Variants in CTNNA3 observed in about 807,000 individuals in gnomAD.
CTNNA3 encodes the protein catenin alpha-3.
In CTNNA3, 76 loss-of-function variants were observed where a neutral mutation model predicts 95.7. That is an observed-to-expected ratio of 0.79 (90% CI 0.66 to 0.96). The LOEUF (loss-of-function observed/expected upper bound fraction) is 0.96. Ranked by LOEUF, CTNNA3 falls within the 40% of genes least tolerant of loss-of-function variation. The pLI is 0.00. For synonymous variants in CTNNA3, 431 were observed against 374.4 expected (o/e 1.15, Z -1.74); for missense variants, 1,191 against 1,089.8 (o/e 1.09, Z -1.31).
At chr10:66,479,466 C>A (rs1407900174) in intron 11 of CTNNA3, among the ~76,000 whole-genome samples, 3 of 152,038 alleles carry the variant, frequency 2.0e-5, no homozygotes, top group African/African-American at 4.8e-5. Flanking sequence ...ATTTAAAATT[C>A]TTTAAATCAA....
At chr10:66,660,430 A>G (rs1311346383) in intron 9 of CTNNA3, among the ~76,000 whole-genome samples, 1 of 152,142 alleles carries the variant, frequency 6.6e-6, no homozygotes, top group African/African-American at 2.4e-5. Context: ...GGACATCCAT[A>G]TTTCTTTAGG....
chr10:67,580,530 TG>T (rs1842349701), intron 3 of CTNNA3, among the ~76,000 whole-genome samples: 1 of 151,870 alleles, frequency 6.6e-6, no homozygotes, highest in South Asian at 2.1e-4. Flanking sequence ...AGGATTGTCT[TG>T]GCGATGCGGG....
chr10:67,592,973 C>G (rs1419858356), intron 3 of CTNNA3, among the ~76,000 whole-genome samples: 1 of 152,128 alleles, frequency 6.6e-6, no homozygotes, highest in East Asian at 1.9e-4. Context: ...TTCTCCTACC[C>G]TCCACCTTTA....
intron 3 of CTNNA3, among the ~76,000 whole-genome samples, chr10:67,566,740 T>C (rs1440437882): frequency 6.6e-6 from 1 of 152,018 alleles, no homozygotes; most frequent in Non-Finnish European, 1.5e-5. Context: ...ATTGCGGCAC[T>C]CTTCACAAGA....
At chr10:65,965,824 A>G (rs965725204) in intron 17 of CTNNA3, among the ~76,000 whole-genome samples, 6 of 152,168 alleles carry the variant, frequency 3.9e-5, no homozygotes, top group Non-Finnish European at 8.8e-5. Flanking sequence ...AGACATATAA[A>G]TATACTAGTG....
At chr10:66,147,973 A>G (rs2133898006) in intron 13 of CTNNA3, among the ~76,000 whole-genome samples, 2 of 151,630 alleles carry the variant, frequency 1.3e-5, no homozygotes, top group Middle Eastern at 6.8e-3. Flanking sequence ...GTCACACTAG[A>G]TGCTATCCCC....
rs370326109 is a variant in CTNNA3, at chr10:66,345,225, T to C, written c.1732+33927A>G. Among the ~76,000 whole-genome samples, 69 of 152,226 alleles carry C rather than the reference T, an allele frequency of 4.5e-4. 1 individual carries two copies. The South Asian group carries it at 0.014, about 31-fold the overall frequency. On this transcript the variant is annotated intron_variant, in intron 12 of 17. Transcript: ENST00000433211. ...GGGAACAAAGCAAGATGCCAGGAGA[T>C]ACAATAAAGGCTAGAATGTAGTTTA...
chr10:66,360,816 C>CCTTCCTTCCTTTCTTT (rs1491560905), intron 12 of CTNNA3, among the ~76,000 whole-genome samples: 1 of 50,228 alleles, frequency 2.0e-5, no homozygotes, highest in Non-Finnish European at 3.9e-5. Context: ...TTCCTTCCTT[C>CCTTCCTTCCTTTCTTT]CTTTCTTTCT....
At chr10:66,440,538 C>T (rs4447055) in intron 11 of CTNNA3, among the ~76,000 whole-genome samples, 58,076 of 151,874 alleles carry the variant, frequency 0.38, 11,669 homozygotes, top group African/African-American at 0.5. Flanking sequence ...TCCTTAGGGC[C>T]TCAAGCTCTT....
At chr10:66,557,138 G>T (rs1842415820) in intron 10 of CTNNA3, among the ~76,000 whole-genome samples, 1 of 151,954 alleles carries the variant, frequency 6.6e-6, no homozygotes, top group Non-Finnish European at 1.5e-5. Context: ...GCATCTGAAA[G>T]AACATACATT....
chr10:67,129,906 G>C (rs1023510151), intron 7 of CTNNA3, among the ~76,000 whole-genome samples: 4 of 151,950 alleles, frequency 2.6e-5, no homozygotes, highest in African/African-American at 9.7e-5. Flanking sequence ...TTCTTGCCTG[G>C]TATTTCTCAC....
chr10:66,704,052 G>A (rs144136578), intron 9 of CTNNA3, among the ~76,000 whole-genome samples: 98 of 152,050 alleles, frequency 6.4e-4, no homozygotes, highest in African/African-American at 1.8e-3. Context: ...CTTGTCTCCC[G>A]ATTCGTATTC....
chr10:65,984,116 G>GA (rs2078377614), intron 16 of CTNNA3, among the ~76,000 whole-genome samples: 1 of 151,128 alleles, frequency 6.6e-6, no homozygotes, highest in African/African-American at 2.4e-5. Context: ...TTGACCTTCT[G>GA]ACACACCAGC....
intron 6 of CTNNA3, among the ~76,000 whole-genome samples, chr10:67,199,062 A>G (rs1863513397): frequency 6.6e-6 from 1 of 152,058 alleles, no homozygotes; most frequent in Admixed American, 6.6e-5. Context: ...GAAGGGAAAG[A>G]GAAAAGGGGA....
intron 1 of CTNNA3, among the ~76,000 whole-genome samples, chr10:67,747,917 T>G (rs916036067): frequency 6.6e-5 from 10 of 152,198 alleles, no homozygotes; most frequent in Non-Finnish European, 1.5e-4. Flanking sequence ...AGGAACAATA[T>G]GACCTGATGA....
chr10:67,672,088 A>G (rs1564822006), intron 1 of CTNNA3, among the ~76,000 whole-genome samples: 1 of 151,990 alleles, frequency 6.6e-6, no homozygotes, highest in African/African-American at 2.4e-5. Context: ...TGTGGTTTTG[A>G]TTTGCATTTC....
intron 5 of CTNNA3, among the ~76,000 whole-genome samples, chr10:67,402,336 A>G (rs1214638116): frequency 6.6e-6 from 1 of 152,220 alleles, no homozygotes; most frequent in Admixed American, 6.5e-5. Flanking sequence ...CAAGCTGAGG[A>G]AAGAATCTGA....
chr10:66,503,720 G>A (rs1840354944), intron 11 of CTNNA3, among the ~76,000 whole-genome samples: 1 of 152,044 alleles, frequency 6.6e-6, no homozygotes, highest in African/African-American at 2.4e-5. Context: ...TCCTGCCTCA[G>A]CCTCTCAAAG....
chr10:67,603,893 C>T (rs553152650), intron 3 of CTNNA3, among the ~76,000 whole-genome samples: 1 of 152,174 alleles, frequency 6.6e-6, no homozygotes, highest in South Asian at 2.1e-4. Context: ...ATTCATGATT[C>T]CCTGACTCAC....
Sources: gnomAD v4.1 joint callset for allele counts (sites outside exome capture counted in the v4.1 genomes callset) on GRCh38, gnomAD v4.1.1 for gene constraint, MANE v1.5 for transcripts, NCBI Gene and HGNC (gene_info 2026-07-23, HGNC 2026-07-21) for gene names.